Variants in CDK6 observed in about 807,000 individuals in gnomAD.
CDK6 encodes cyclin-dependent kinase 6.
CDK6 carries 6 observed loss-of-function variants against 37.1 expected under a neutral mutation model. The ratio of observed to expected loss-of-function variants is 0.16; its 90% CI spans 0.09 to 0.32. The LOEUF (loss-of-function observed/expected upper bound fraction) is 0.32. Among genes scored for constraint, CDK6 ranks in the 10% least tolerant of loss-of-function variants. The probability of loss-of-function intolerance (pLI) is 1.00; values close to 1 mark genes in which losing one functional copy is unlikely to be tolerated. For synonymous variants in CDK6, 160 were observed against 161.3 expected (o/e 0.99, Z 0.06); for missense variants, 224 against 418.9 (o/e 0.53, Z 4.06).
chr7:92,758,229 T>C (rs1029279348), intron 3 of CDK6, among the ~76,000 whole-genome samples: 1 of 152,336 alleles, frequency 6.6e-6, no homozygotes, highest in South Asian at 2.1e-4. Flanking sequence ...AAGGATGGTA[T>C]TGCCTAGGCT....
chr7:92,741,788 T>G (rs967732665), intron 3 of CDK6, among the ~76,000 whole-genome samples: 2 of 152,180 alleles, frequency 1.3e-5, no homozygotes, highest in Non-Finnish European at 2.9e-5. Flanking sequence ...GGCATAGTAC[T>G]TCAGAGTTTT....
chr7:92,776,479 T>C (rs1178194549), intron 2 of CDK6, among the ~76,000 whole-genome samples: 3 of 152,172 alleles, frequency 2.0e-5, no homozygotes, highest in African/African-American at 7.2e-5. Context: ...CTTAAGGAAT[T>C]GCCACACTGT....
At chr7:92,744,802 A>G (rs938388772) in intron 3 of CDK6, among the ~76,000 whole-genome samples, 3 of 152,240 alleles carry the variant, frequency 2.0e-5, no homozygotes, top group East Asian at 1.9e-4. Context: ...ACAGTTCTCA[A>G]TTTCTTGAAA....
At chr7:92,618,388 T>C in intron 6 of CDK6, 181 bp from the exon 7 acceptor site, 2 of 555,082 alleles carry the variant, frequency 3.6e-6, no homozygotes, top group South Asian at 2.5e-5. Context: ...ATGGTGGCCA[T>C]GGGGGAGAGG....
At chr7:92,725,155 A>G in intron 4 of CDK6, 1 of 985,354 alleles carries the variant, frequency 1.0e-6, no homozygotes, top group Non-Finnish European at 1.2e-6. Context: ...TTCACTGTGA[A>G]TTTGATTTCT....
At chr7:92,725,566 A>G in intron 4 of CDK6, 60 bp downstream of exon 4, 1 of 1,508,858 alleles carries the variant, frequency 6.6e-7, no homozygotes, top group South Asian at 1.2e-5. Flanking sequence ...GAAGAGGGAC[A>G]GACTGTCATT....
At chr7:92,763,350 C>G (rs1799504046) in intron 3 of CDK6, among the ~76,000 whole-genome samples, 1 of 152,060 alleles carries the variant, frequency 6.6e-6, no homozygotes, top group South Asian at 2.1e-4. Flanking sequence ...GAATTCTGAC[C>G]CATTACACTT....
intron 4 of CDK6, among the ~76,000 whole-genome samples, chr7:92,676,107 ATTTCT>A (rs1797197458): frequency 6.6e-6 from 1 of 151,112 alleles, no homozygotes; most frequent in African/African-American, 2.4e-5. Context: ...TTTTCTCCTA[ATTTCT>A]TTGTTGTTGT....
In CDK6 at chr7:92,612,497, A is replaced by G. The variant is rs1795583712; in HGVS notation, c.*2643T>C. On this transcript the variant is annotated 3_prime_UTR_variant, in exon 8 of 8. Transcript: ENST00000424848. ...CTGGACATAAAATACATAAATCAAG[A>G]GAGTATTCACTCAAATGCAACAACT... 1 of 233,054 alleles carries G rather than the reference A, an allele frequency of 4.3e-6. No individual in the cohort carries two copies. The highest frequency in any genetic ancestry group is 5.6e-5 in the Admixed American group (1 of 17,778). The allele number at this position is 233,054 out of a possible 1,614,324, so 14.4% of individuals were successfully genotyped here.
rs746472284 is a variant in CDK6, at chr7:92,608,548, AAAAAAC to A, written c.*6586_*6591del. Reference sequence around the variant, plus strand: ...CCTGCAATTATACATCTTTTCTTTAAAAAAACAAAAACAAAAACAAAAACTGAGCTT... The same window carrying A: ...CCTGCAATTATACATCTTTTCTTTAAAAAAACAAAAACAAAAACTGAGCTT... On this transcript the variant is annotated 3_prime_UTR_variant, in exon 8 of 8. Transcript: ENST00000424848. 6 of 232,108 alleles carry A rather than the reference AAAAAAC, an allele frequency of 2.6e-5. No homozygotes were observed. Among genetic ancestry groups the A allele is most frequent in the East Asian group, 1.8e-4 (3 of 16,444 alleles). The allele number at this position is 232,108 out of a possible 1,614,324, so 14.4% of individuals were successfully genotyped here.
At chr7:92,628,785 T>C (rs183939156) in intron 5 of CDK6, among the ~76,000 whole-genome samples, 1 of 152,088 alleles carries the variant, frequency 6.6e-6, no homozygotes. Flanking sequence ...GCAAATAATG[T>C]GTATTTAAAA....
In CDK6 at chr7:92,713,667, TAA is replaced by T. The variant is rs535072218; in HGVS notation, c.537+11957_537+11958del. Among the ~76,000 whole-genome samples, 323 of 67,196 alleles carry T rather than the reference TAA, an allele frequency of 4.8e-3. 1 individual carries two copies. The highest frequency in any genetic ancestry group is 0.015 in the African/African-American group (298 of 19,544). 44.1% of individuals were successfully genotyped at this position (67,196 alleles called of 152,430 possible). A position where few individuals can be genotyped will look rare whatever the true frequency, so the allele number is the denominator to read the frequency against. Reference sequence around the variant, plus strand: ...TTAAGTCCTCAAAATTTAAAAAAAGTAAAAAAAAAAAAAAAAAAAAAGAACTA... The same window carrying T: ...TTAAGTCCTCAAAATTTAAAAAAAGTAAAAAAAAAAAAAAAAAAAGAACTA... On this transcript the variant is annotated intron_variant, in intron 4 of 7. Transcript: ENST00000424848.
chr7:92,686,940 A>G lies in CDK6; in HGVS notation c.538-15405T>C, dbSNP rs191113436. On this transcript the variant is annotated intron_variant, in intron 4 of 7. Transcript: ENST00000424848. Reference sequence around the variant, plus strand: ...ATCTTCTTTGGAGAACTGTCTATTCATGTCCTTAGCCCACTTTTTCAAAGG... The same window carrying G: ...ATCTTCTTTGGAGAACTGTCTATTCGTGTCCTTAGCCCACTTTTTCAAAGG... Among the ~76,000 whole-genome samples, 9 of 152,210 alleles carry G rather than the reference A, an allele frequency of 5.9e-5. No individual in the cohort carries two copies. The East Asian group carries it at 1.4e-3, about 23-fold the overall frequency.
In CDK6 at chr7:92,819,631, CA is replaced by C. The variant is rs1205618758; in HGVS notation, c.233+13459del. On this transcript the variant is annotated intron_variant, in intron 2 of 7. Transcript: ENST00000424848. ...CCACAGGAAAAACAAAAAAGTTAAC[CA>C]AAAAAACTAAACACTGACAGAAACA... Among the ~76,000 whole-genome samples, 6 of 151,556 alleles carry C rather than the reference CA, an allele frequency of 4.0e-5. No homozygotes were observed. In the East Asian group the frequency reaches 1.2e-3, roughly 29 times the overall value.
chr7:92,794,557 T>G (rs897914931), intron 2 of CDK6, among the ~76,000 whole-genome samples: 8 of 152,122 alleles, frequency 5.3e-5, no homozygotes, highest in Non-Finnish European at 8.8e-5. Context: ...CTGTTACTGC[T>G]GCCTAGAAAG....
At chr7:92,623,518 T>G (rs1439501249) in intron 5 of CDK6, among the ~76,000 whole-genome samples, 1 of 152,196 alleles carries the variant, frequency 6.6e-6, no homozygotes, top group Non-Finnish European at 1.5e-5. Context: ...CTCATGGGTC[T>G]CTCTCCTTTC....
At chr7:92,756,036 C>T (rs74807138) in intron 3 of CDK6, among the ~76,000 whole-genome samples, 1,934 of 152,200 alleles carry the variant, frequency 0.013, 15 homozygotes, top group Middle Eastern at 0.054. Context: ...GCAAAGTCCA[C>T]TTTCTCCCTT....
At chr7:92,626,622 C>A (rs1439677238) in intron 5 of CDK6, among the ~76,000 whole-genome samples, 1 of 151,906 alleles carries the variant, frequency 6.6e-6, no homozygotes, top group East Asian at 1.9e-4. Context: ...GGAAACCAAG[C>A]CAAGGAGGTC....
intron 4 of CDK6, among the ~76,000 whole-genome samples, chr7:92,716,035 G>A (rs1798222889): frequency 6.6e-6 from 1 of 152,214 alleles, no homozygotes; most frequent in South Asian, 2.1e-4. Flanking sequence ...CACATTCAAA[G>A]TGTAAATGTT....
Sources: gnomAD v4.1 joint callset for allele counts (sites outside exome capture counted in the v4.1 genomes callset) on GRCh38, gnomAD v4.1.1 for gene constraint, MANE v1.5 for transcripts, NCBI Gene and HGNC (gene_info 2026-07-23, HGNC 2026-07-21) for gene names.